The following ITSN1 variants were observed in gnomAD, a reference collection of about 807,000 sequenced individuals.
ITSN1 encodes intersectin-1.
ITSN1 carries 58 observed loss-of-function variants against 239.8 expected under a neutral mutation model. That is an observed-to-expected ratio of 0.24 (90% CI 0.20 to 0.30). The LOEUF (loss-of-function observed/expected upper bound fraction) is 0.30. ITSN1 is among the 10% of genes least tolerant of loss of function. The pLI, the probability that ITSN1 is intolerant of heterozygous loss-of-function variation, is 1.00. For missense variants in ITSN1, 1,558 were observed against 2,103.3 expected (o/e 0.74, Z 5.07); for synonymous variants, 780 against 770.8 (o/e 1.01, Z -0.20).
In ITSN1 at chr21:33,819,307, G is replaced by A. The variant is rs778434848; in HGVS notation, c.3000G>A (p.Pro1000=). ...GAGTAGCCTCTCCAGCAGCCAAGCC[G>A]GTCGTTTCGGGAGAAGGTGAGGGCC... ...LKRVASPAAK[P]VVSGEEFIAM... is the part of the protein sequence containing the mutation. The change falls in exon 24 of 40, where the codon CCG becomes CCA. Residue 1000 remains proline (P), a synonymous_variant. Coordinates refer to ENST00000381318, the MANE Select transcript of ITSN1 (RefSeq NM_003024.3). 3.3e-5 allele frequency: 53 copies of A among 1,613,646 alleles called. No homozygotes were observed. Among genetic ancestry groups the A allele is most frequent in the Non-Finnish European group, 4.2e-5 (49 of 1,179,704 alleles).
rs2068376113 is a variant in ITSN1 at position 33,762,100 on chromosome 21, T to G, written c.788+114T>G. ...TTATGGGGGAATATGTAGAATTTGCTTAATTTCAGTGAGTTGTAATGATTG... is the reference window on the plus strand; with the variant it reads ...TTATGGGGGAATATGTAGAATTTGCGTAATTTCAGTGAGTTGTAATGATTG... On this transcript the variant is annotated intron_variant, in intron 9 of 39. Coordinates refer to ENST00000381318, the MANE Select transcript of ITSN1 (RefSeq NM_003024.3). 4.6e-5 allele frequency: 36 copies of G among 777,476 alleles called. No homozygotes were observed. In the South Asian group the frequency reaches 5.1e-4, roughly 11 times the overall value. 48.2% of individuals were successfully genotyped at this position (777,476 alleles called of 1,614,324 possible).
At chr21:33,771,405 C>T (rs2069148456) in intron 11 of ITSN1, among the ~76,000 whole-genome samples, 1 of 151,940 alleles carries the variant, frequency 6.6e-6, no homozygotes, top group African/African-American at 2.4e-5. Flanking sequence ...ATGAAATAGA[C>T]ACTGCTGAGG....
Position 33,838,240 on chromosome 21 carries a change from T to C in ITSN1, c.3661+1608T>C, listed in dbSNP as rs1280373196. On this transcript the variant is annotated intron_variant, in intron 29 of 39. Coordinates refer to ENST00000381318, the MANE Select transcript of ITSN1 (RefSeq NM_003024.3). The stretch of plus-strand genomic sequence containing the variant: ...CTCAAGCACAATCTAGCTGTCCTCC[T>C]AAAGACTCTGTAATGCTCACTCCCC... 3.0e-6 allele frequency: 3 copies of C among 985,346 alleles called. No homozygotes were observed. In the African/African-American group the frequency reaches 5.2e-5, roughly 17 times the overall value. 61.0% of individuals were successfully genotyped at this position (985,346 alleles called of 1,614,324 possible). A position where few individuals can be genotyped will look rare whatever the true frequency, so the allele number is the denominator to read the frequency against.
intron 5 of ITSN1, among the ~76,000 whole-genome samples, chr21:33,739,496 T>C (rs548412000): frequency 6.6e-6 from 1 of 152,226 alleles, no homozygotes; most frequent in Non-Finnish European, 1.5e-5. Context: ...CTGTGGATCT[T>C]ATTTTCAAAT....
At chr21:33,666,447 TATG>T (rs1474742361) in intron 1 of ITSN1, among the ~76,000 whole-genome samples, 1 of 145,314 alleles carries the variant, frequency 6.9e-6, no homozygotes, top group Non-Finnish European at 1.5e-5. Flanking sequence ...ATGTTATTTG[TATG>T]ATGCTGCAAT....
chr21:33,722,628 T>C lies in ITSN1; in HGVS notation c.162T>C (p.Pro54=), dbSNP rs1387977926. 1.3e-6 allele frequency: 2 copies of C among 1,579,430 alleles called. No individual in the cohort carries two copies. Among genetic ancestry groups the C allele is most frequent in the Admixed American group, 3.8e-5 (2 of 53,182 alleles). ...ARNFFFQSGL[P]QPVLAQIWAL... is the part of the protein sequence containing the mutation. ...ACTTTTTTTTTCAATCTGGGTTACC[T>C]CAACCTGTTTTAGCACAGATATGGT... Residue 54 remains proline, a synonymous_variant, in exon 4 of 40, where the codon CCT becomes CCC. Transcript: ENST00000381318.
chr21:33,747,946 C>A lies in ITSN1; in HGVS notation c.347-2197C>A, dbSNP rs555952493. 2.0e-4 allele frequency among the ~76,000 whole-genome samples: 30 copies of A among 152,196 alleles called. 2 individuals are homozygous for A. The South Asian group carries it at 5.6e-3, about 28-fold the overall frequency. The stretch of plus-strand genomic sequence containing the variant: ...GGTTAATTTAGAAGACCACATAAAT[C>A]TATTTTTCTTCTTTTCTCTCAAGTT... On this transcript the variant is annotated intron_variant, in intron 5 of 39. Transcript: ENST00000381318.
At chr21:33,838,427 C>CT (rs1199621009) in intron 29 of ITSN1, 1 of 983,450 alleles carries the variant, frequency 1.0e-6, no homozygotes, top group Non-Finnish European at 1.2e-6. Flanking sequence ...AAACCTGCGG[C>CT]TTTAACAACT....
chr21:33,743,869 G>A (rs1451639868), intron 5 of ITSN1, among the ~76,000 whole-genome samples: 2 of 152,180 alleles, frequency 1.3e-5, no homozygotes, highest in Non-Finnish European at 2.9e-5. Context: ...GAAAGAACAA[G>A]CCAAGGATTT....
rs200423943 is a variant in ITSN1, at chr21:33,750,170, C to A, written c.374C>A (p.Pro125Gln). ...ATGGGAGGTATCGCCAGCATGCCAC[C>A]GCTTACAGCTGTTGCTCCAGTGCCA... is the stretch of plus-strand genomic sequence containing the variant. ...FGMGGIASMP[P>Q]LTAVAPVPMG... Residue 125 changes from proline to glutamine, a missense_variant, in exon 6 of 40, where the codon CCG becomes CAG. Around this residue, in one of 2 missense-constraint regions of ITSN1, gnomAD observed 982 missense variants for 1,209.9 expected, o/e 0.81. Transcript: ENST00000381318. 17 of 1,613,898 alleles carry A rather than the reference C, an allele frequency of 1.1e-5. No homozygotes were observed.
rs141736286 is a variant in ITSN1 at position 33,817,525 on chromosome 21, A to G, written c.2728-742A>G. The G allele has an allele frequency of 1.1e-5, 15 of 1,304,526 alleles. 1 individual carries two copies. The African/African-American group carries it at 1.5e-4, about 13-fold the overall frequency. 80.8% of individuals were successfully genotyped at this position (1,304,526 alleles called of 1,614,324 possible). ...TAGGAACTCCTTTTTAGTATATTTC[A>G]TTCTGCCAGGTGGTACACTTGGTTG... On this transcript the variant is annotated intron_variant, in intron 22 of 39. Transcript: ENST00000381318.
At chr21:33,826,736 G>T in intron 25 of ITSN1, 82 bp from the exon 26 acceptor site, 1 of 1,286,796 alleles carries the variant, frequency 7.8e-7, no homozygotes, top group Non-Finnish European at 1.1e-6. Context: ...GGCTCAAGCG[G>T]GTTTGTATCA....
At chr21:33,688,313 C>T (rs985547421) in intron 1 of ITSN1, among the ~76,000 whole-genome samples, 2 of 152,052 alleles carry the variant, frequency 1.3e-5, no homozygotes, top group African/African-American at 2.4e-5. Context: ...TTGTCTCTTT[C>T]GGGAATTAAA....
At chr21:33,693,591 A>G (rs1028671359) in intron 1 of ITSN1, among the ~76,000 whole-genome samples, 1 of 152,140 alleles carries the variant, frequency 6.6e-6, no homozygotes, top group Non-Finnish European at 1.5e-5. Flanking sequence ...TCCTGACCTC[A>G]GGTGATCTAC....
chr21:33,790,729 C>T (rs1347267800), intron 16 of ITSN1, among the ~76,000 whole-genome samples: 1 of 152,134 alleles, frequency 6.6e-6, no homozygotes, highest in Non-Finnish European at 1.5e-5. Flanking sequence ...TTTGCAGGGT[C>T]ATTTAAATCA....
intron 34 of ITSN1, among the ~76,000 whole-genome samples, chr21:33,879,877 G>A (rs569441834): frequency 3.9e-5 from 6 of 152,224 alleles, no homozygotes; most frequent in Admixed American, 6.5e-5. Context: ...ACGGGGTTTC[G>A]CCATGTTGGC....
chr21:33,741,667 C>T (rs775347765), intron 5 of ITSN1, among the ~76,000 whole-genome samples: 2 of 151,828 alleles, frequency 1.3e-5, no homozygotes, highest in African/African-American at 2.4e-5. Flanking sequence ...CCCAGGTGGG[C>T]GGATCATGAG....
chr21:33,746,130 A>T (rs1442118696), intron 5 of ITSN1, among the ~76,000 whole-genome samples: 2 of 152,184 alleles, frequency 1.3e-5, no homozygotes, highest in Non-Finnish European at 2.9e-5. Context: ...TAAAAACCCA[A>T]CTGAGCAGAA....
At chr21:33,654,871 G>A (rs1242196105) in intron 1 of ITSN1, among the ~76,000 whole-genome samples, 1 of 152,174 alleles carries the variant, frequency 6.6e-6, no homozygotes, top group African/African-American at 2.4e-5. Flanking sequence ...CTTCCAGTCT[G>A]TTCTTGGTCC....
Sources: gnomAD v4.1 joint callset for allele counts (sites outside exome capture counted in the v4.1 genomes callset) on GRCh38, gnomAD v4.1.1 for gene constraint, gnomAD v4.1.1 regional missense constraint, MANE v1.5 for transcripts, NCBI Gene and HGNC (gene_info 2026-07-23, HGNC 2026-07-21) for gene names.